The following TRO variants were observed in gnomAD, a reference collection of about 807,000 sequenced individuals.
TRO encodes MAGE superfamily protein.
TRO carries 29 observed loss-of-function variants against 42.3 expected under a neutral mutation model. The ratio of observed to expected loss-of-function variants is 0.68; its 90% CI spans 0.51 to 0.93. The LOEUF (loss-of-function observed/expected upper bound fraction) is 0.93. Ranked by LOEUF, TRO falls within the 40% of genes least tolerant of loss-of-function variation. The pLI is 0.00. For missense variants in TRO, 963 were observed against 1,127.7 expected, an observed-to-expected ratio of 0.85 and a Z score of 2.09; for synonymous variants, 384 against 425.2, an observed-to-expected ratio of 0.90 and a Z score of 1.19.
rs755174364 is a variant in TRO at position 54,925,104 on chromosome X, G to C, written c.1485+36G>C. 6.9e-6 allele frequency: 8 copies of C among 1,151,180 alleles called. No individual in the cohort carries two copies. The Admixed American group carries it at 1.6e-4, about 23-fold the overall frequency. 94.9% of individuals were successfully genotyped at this position (1,151,180 alleles called of 1,213,427 possible). A position where few individuals can be genotyped will look rare whatever the true frequency, so the allele number is the denominator to read the frequency against. On this transcript the variant is annotated intron_variant, in intron 6 of 12. Transcript: ENST00000173898. Reference sequence around the variant, plus strand: ...AGTGCTGGCGGATGGGCGCAATGGGGAAGCTTTGAATCGAGCAAAGACATA... The same window carrying C: ...AGTGCTGGCGGATGGGCGCAATGGGCAAGCTTTGAATCGAGCAAAGACATA...
At chrX:54,927,574 T>G in intron 10 of TRO, 93 bp from the exon 11 acceptor site, 3 of 593,286 alleles carry the variant, frequency 5.1e-6, no homozygotes, top group Non-Finnish European at 8.2e-6. Context: ...CAGGGGCTGT[T>G]TGTATTTGTT....
In TRO at chrX:54,922,245, A is replaced by G; in HGVS notation, c.-2A>G. The G allele has an allele frequency of 1.7e-6, 2 of 1,209,419 alleles. No homozygotes were observed. Among genetic ancestry groups the G allele is most frequent in the Non-Finnish European group, 2.2e-6 (2 of 894,483 alleles). ...TCACCTGTTACTCGGCCTCCCAGAA[A>G]GATGGATAGGAGAAATGACTACGGA... On this transcript the variant is annotated 5_prime_UTR_variant, in exon 2 of 13. Coordinates refer to ENST00000173898, the MANE Select transcript of TRO (RefSeq NM_001039705.3).
intron 11 of TRO, among the ~76,000 whole-genome samples, chrX:54,928,217 G>A (rs1319711751): frequency 9.0e-6 from 1 of 111,481 alleles, no homozygotes; most frequent in Non-Finnish European, 1.9e-5. Flanking sequence ...CACTAATCCT[G>A]TTGATCAGGA....
In TRO at chrX:54,928,833, T is replaced by G. The variant is rs1449882294; in HGVS notation, c.2109T>G (p.Phe703Leu). ...ATGATGCTCAGGCCTGGAGCAGATT[T>G]TCATTTGAAATTGAGGCCAGAGCCC... ...LGDDAQAWSR[F>L]SFEIEARAQE... Residue 703 changes from phenylalanine to leucine, a missense_variant, in exon 12 of 13, where the codon TTT (phenylalanine) becomes TTG (leucine). Around this residue, in one of 2 missense-constraint regions of TRO, gnomAD observed 641 missense variants for 811.3 expected, o/e 0.79. Coordinates refer to ENST00000173898, the MANE Select transcript of TRO (RefSeq NM_001039705.3). 8.3e-7 allele frequency: 1 copy of G among 1,210,401 alleles called. No individual in the cohort carries two copies. The highest frequency in any genetic ancestry group is 1.8e-5 in the South Asian group (1 of 56,720).
Position 54,929,077 on chromosome X carries a change from T to C in TRO, c.2353T>C (p.Ser785Pro). 8.3e-7 allele frequency: 1 copy of C among 1,211,472 alleles called. No homozygotes were observed. The highest frequency in any genetic ancestry group is 1.1e-6 in the Non-Finnish European group (1 of 895,390). Residue 785 changes from serine (S) to proline (P), a missense_variant, in exon 12 of 13, where the codon TCC (serine) becomes CCC (proline). This residue lies in a region of TRO where 641 missense variants were observed against 811.3 expected (regional missense o/e 0.79). Coordinates refer to ENST00000173898, the MANE Select transcript of TRO (RefSeq NM_001039705.3). ...ISFGGTLSTS[S>P]SFSSAASISF... is the part of the protein sequence containing the mutation. The stretch of plus-strand genomic sequence containing the variant: ...CTTTGGTGGTACACTGAGCACTAGC[T>C]CCAGCTTCAGCAGCGCAGCCAGCAT...
chrX:54,923,491 C>T lies in TRO; in HGVS notation c.959C>T (p.Pro320Leu). 8.4e-7 allele frequency: 1 copy of T among 1,186,295 alleles called. No individual in the cohort carries two copies. Among genetic ancestry groups the T allele is most frequent in the Non-Finnish European group, 1.1e-6 (1 of 881,919 alleles). The change falls in exon 3 of 13, where the codon CCA becomes CTA. Residue 320 changes from proline to leucine, a missense_variant. Pro to Leu is a moderately conservative substitution (Grantham distance 98). This residue lies in a region of TRO where 322 missense variants were observed against 316.5 expected (regional missense o/e 1.02). Coordinates refer to ENST00000173898, the MANE Select transcript of TRO (RefSeq NM_001039705.3). ...TCTGTCTCTGAGATCTCTGAGGCCCCACTTGCCACTCAGATAGTCACAAAC... is the reference window on the plus strand; with the variant it reads ...TCTGTCTCTGAGATCTCTGAGGCCCTACTTGCCACTCAGATAGTCACAAAC... ...PNSVSEISEA[P>L]LATQIVTNQA...
intron 6 of TRO, 85 bp downstream of exon 6, chrX:54,925,153 C>T: frequency 2.2e-6 from 2 of 917,848 alleles, no homozygotes; most frequent in Non-Finnish European, 1.5e-6. Flanking sequence ...GAGAGAATCA[C>T]AGAAACATGC....
At position 54,930,583 on chromosome X, in the gene TRO, G is replaced by C; in HGVS notation, c.3859G>C (p.Asp1287His). ...AGFGGGLVTS[D>H]GFGGGLGTNA... Reference sequence around the variant, plus strand: ...CTTTGGTGGTGGACTGGTCACTAGTGATGGCTTTGGTGGTGGACTGGGCAC... The same window carrying C: ...CTTTGGTGGTGGACTGGTCACTAGTCATGGCTTTGGTGGTGGACTGGGCAC... The change falls in exon 12 of 13, where the codon GAT (aspartate) becomes CAT (histidine). Residue 1287 changes from aspartate to histidine, a missense_variant. Asp to His is a moderately conservative substitution (Grantham distance 81, BLOSUM62 -1). Coordinates refer to ENST00000173898, the MANE Select transcript of TRO (RefSeq NM_001039705.3). The C allele has an allele frequency of 8.3e-7, 1 of 1,211,375 alleles. No individual in the cohort carries two copies. The highest frequency in any genetic ancestry group is 1.1e-6 in the Non-Finnish European group (1 of 895,273).
At chrX:54,924,950 C>A in intron 5 of TRO, 39 bp from the exon 6 acceptor site, 1 of 1,181,482 alleles carries the variant, frequency 8.5e-7, no homozygotes, top group Non-Finnish European at 1.1e-6. Context: ...TCTGTGGCCC[C>A]TGCTAAGCTC....
rs758622957 is a variant in TRO, at chrX:54,929,292, G to A, written c.2568G>A (p.Thr856=). 4 of 1,209,390 alleles carry A rather than the reference G, an allele frequency of 3.3e-6. No individual in the cohort carries two copies. The highest frequency in any genetic ancestry group is 2.2e-5 in the Admixed American group (1 of 45,830). ...SSGFGGTLST[T]AGFSGVLSTS... ...GCTTTGGAGGCACACTCAGCACCAC[G>A]GCTGGCTTTAGTGGTGTACTCAGCA... Residue 856 remains threonine (T), a synonymous_variant, in exon 12 of 13, where the codon ACG becomes ACA. Coordinates refer to ENST00000173898, the MANE Select transcript of TRO (RefSeq NM_001039705.3).
At chrX:54,921,164 A>G (rs1340665538) in intron 1 of TRO, 1 of 110,499 alleles carries the variant, frequency 9.0e-6, no homozygotes, top group African/African-American at 3.3e-5. Context: ...AAGGATCGAG[A>G]AATCCTTCAG....
chrX:54,924,395 C>A, intron 3 of TRO, 56 bp from the exon 4 acceptor site: 1 of 1,059,770 alleles, frequency 9.4e-7, no homozygotes, highest in Non-Finnish European at 1.3e-6. Flanking sequence ...GGTGAGGAGA[C>A]AGAGCCATCT....
Position 54,930,087 on chromosome X carries a change from T to A in TRO, c.3363T>A (p.Gly1121=). Residue 1121 remains glycine, a synonymous_variant, in exon 12 of 13, where the codon GGT becomes GGA. Coordinates refer to ENST00000173898, the MANE Select transcript of TRO (RefSeq NM_001039705.3). ...TTAGTACCGCTGCTGACTTCGGTGG[T>A]ACTCCCAGCAACAGCATTGGCTTTG... is the stretch of plus-strand genomic sequence containing the variant. ...GALSTAADFG[G]TPSNSIGFGA... 2 of 1,210,648 alleles carry A rather than the reference T, an allele frequency of 1.7e-6. No individual in the cohort carries two copies. Among genetic ancestry groups the A allele is most frequent in the Non-Finnish European group, 2.2e-6 (2 of 895,152 alleles).
Position 54,923,025 on chromosome X carries a change from C to T in TRO, c.493C>T (p.Gln165Ter). 8.3e-7 allele frequency: 1 copy of T among 1,212,059 alleles called. No individual in the cohort carries two copies. The highest frequency in any genetic ancestry group is 1.1e-6 in the Non-Finnish European group (1 of 895,604). Residue 165 changes from glutamine to a stop codon, truncating the protein, a stop_gained, in exon 3 of 13, where the codon CAG becomes TAG. Transcript: ENST00000173898. LOFTEE classifies it high-confidence loss of function. ...AACTGGCCATGAGGGTGGCACTATACAGCTGAAGTCACCCTTGCAGGTCCT... is the reference window on the plus strand; with the variant it reads ...AACTGGCCATGAGGGTGGCACTATATAGCTGAAGTCACCCTTGCAGGTCCT... ...SPTGHEGGTIQLKSPLQVLKL... is the reference protein window; with the variant it reads ...SPTGHEGGTI
In TRO at chrX:54,926,692, A is replaced by G. The variant is rs1932777093; in HGVS notation, c.1700+67A>G. On this transcript the variant is annotated intron_variant, in intron 9 of 12. Coordinates refer to ENST00000173898, the MANE Select transcript of TRO (RefSeq NM_001039705.3). ...TTTGGCAAGAGAGGATGGTCCTAGGATTGCATCAGTCTGGTGGTCTGGTGG... is the reference window on the plus strand; with the variant it reads ...TTTGGCAAGAGAGGATGGTCCTAGGGTTGCATCAGTCTGGTGGTCTGGTGG... 5.8e-6 allele frequency: 7 copies of G among 1,201,197 alleles called. No individual in the cohort carries two copies. The Admixed American group carries it at 6.6e-5, about 11-fold the overall frequency.
At chrX:54,921,227 C>G (rs747999681) in intron 1 of TRO, 1 of 110,495 alleles carries the variant, frequency 9.1e-6, no homozygotes. Flanking sequence ...AGATAGGAGA[C>G]GGCAGGACTC....
chrX:54,921,957 C>A (rs1280226352), intron 1 of TRO: 2 of 260,481 alleles, frequency 7.7e-6, no homozygotes, highest in East Asian at 1.2e-4. Context: ...GGGGTGGGGG[C>A]GCCTCTAGTC....
chrX:54,923,635 T>G lies in TRO; in HGVS notation c.1103T>G (p.Ile368Arg), dbSNP rs1381529685. ...PNADQGAQAK[I>R]ASAQTNVSAL... ...GCTGACCAAGGGGCCCAGGCCAAGA[T>G]AGCCTCTGCTCAGACCAACGTAAGT... Residue 368 changes from isoleucine to arginine, a missense_variant, in exon 3 of 13, where the codon ATA becomes AGA. Physicochemically the swap from Ile to Arg is moderately conservative, Grantham distance 97. Coordinates refer to ENST00000173898, the MANE Select transcript of TRO (RefSeq NM_001039705.3). The G allele has an allele frequency of 1.7e-6, 2 of 1,208,307 alleles. No homozygotes were observed. The highest frequency in any genetic ancestry group is 5.9e-5 in the East Asian group (2 of 33,775).
chrX:54,930,985 G>A lies in TRO; in HGVS notation c.4261G>A (p.Ala1421Thr), dbSNP rs748853482. The stretch of plus-strand genomic sequence containing the variant: ...CAGTGCTGGCTTTGGCAGTGGAGCC[G>A]CCAGTCTTGGTGCCTGTGGCTTCTC... Reference protein sequence around the residue: ...STSAGFGSGAASLGACGFSYG With the variant: ...STSAGFGSGATSLGACGFSYG The change falls in exon 12 of 13, where the codon GCC (alanine) becomes ACC (threonine). Residue 1421 changes from alanine to threonine, a missense_variant. Ala to Thr is a moderately conservative substitution (Grantham distance 58, BLOSUM62 0). This residue lies in a region of TRO where 641 missense variants were observed against 811.3 expected (regional missense o/e 0.79). Transcript: ENST00000173898. The A allele has an allele frequency of 8.3e-6, 10 of 1,198,603 alleles. No individual in the cohort carries two copies. Among genetic ancestry groups the A allele is most frequent in the Admixed American group, 2.2e-5 (1 of 45,442 alleles).
Sources: gnomAD v4.1 joint callset for allele counts (sites outside exome capture counted in the v4.1 genomes callset) on GRCh38, gnomAD v4.1.1 for gene constraint, gnomAD v4.1.1 regional missense constraint, MANE v1.5 for transcripts, NCBI Gene and HGNC (gene_info 2026-07-23, HGNC 2026-07-21) for gene names.